PBX4: variants seen among roughly 807,000 people sequenced by gnomAD.
PBX4 encodes PBX homeobox 4, also known as pre-B-cell leukemia transcription factor 4.
PBX4 carries 26 observed loss-of-function variants against 35.1 expected under a neutral mutation model. The ratio of observed to expected loss-of-function variants is 0.74; its 90% CI spans 0.54 to 1.03. The LOEUF is 1.03. PBX4 is among the 50% of genes least tolerant of loss of function. PBX4 has a pLI of 0.00. For synonymous variants in PBX4, 199 were observed against 204.2 expected (o/e 0.97, Z 0.22); for missense variants, 448 against 504.3 (o/e 0.89, Z 1.07).
chr19:19,591,882 G>A (rs2061530573), intron 2 of PBX4, among the ~76,000 whole-genome samples: 2 of 152,172 alleles, frequency 1.3e-5, no homozygotes, highest in East Asian at 1.9e-4. Flanking sequence ...TTTTTTAGAG[G>A]CAGAGTCTCA....
chr19:19,572,854 C>CAAAA lies in PBX4; in HGVS notation c.194-2025_194-2022dup, dbSNP rs36044843. On this transcript the variant is annotated intron_variant, in intron 2 of 7. Coordinates refer to ENST00000251203, the MANE Select transcript of PBX4 (RefSeq NM_025245.3). ...GGGTGACAAGGGCGAGACTCCGTCT[C>CAAAA]AAAAAAAAAAAAAAAAAAAAAGAGA... is the stretch of plus-strand genomic sequence containing the variant. Among the ~76,000 whole-genome samples the CAAAA allele has an allele frequency of 1.7e-4, 12 of 70,028 alleles. 1 individual carries two copies. Among genetic ancestry groups the CAAAA allele is most frequent in the Non-Finnish European group, 2.8e-4 (10 of 35,162 alleles). The allele number at this position is 70,028 out of a possible 152,430, so 45.9% of individuals were successfully genotyped here.
chr19:19,591,884 A>G (rs529804600), intron 2 of PBX4, among the ~76,000 whole-genome samples: 128 of 152,310 alleles, frequency 8.4e-4, no homozygotes, highest in African/African-American at 2.9e-3. Flanking sequence ...TTTTAGAGGC[A>G]GAGTCTCACT....
At chr19:19,597,091 G>A (rs1395747844) in intron 2 of PBX4, among the ~76,000 whole-genome samples, 2 of 152,024 alleles carry the variant, frequency 1.3e-5, no homozygotes, top group East Asian at 3.9e-4. Context: ...GCAGGCGCCT[G>A]TAATCCCGGC....
intron 1 of PBX4, among the ~76,000 whole-genome samples, chr19:19,616,582 G>T (rs1555741974): frequency 6.6e-6 from 1 of 152,048 alleles, no homozygotes; most frequent in Non-Finnish European, 1.5e-5. Context: ...CTCCCAAAGT[G>T]CAGGGATTAC....
chr19:19,610,338 G>A (rs375773025), intron 1 of PBX4, among the ~76,000 whole-genome samples: 3 of 152,192 alleles, frequency 2.0e-5, no homozygotes, highest in African/African-American at 4.8e-5. Flanking sequence ...GTTTGAACCC[G>A]GGAGGTGGAG....
At chr19:19,578,697 G>A (rs774014582) in intron 2 of PBX4, among the ~76,000 whole-genome samples, 1 of 152,164 alleles carries the variant, frequency 6.6e-6, no homozygotes, top group Non-Finnish European at 1.5e-5. Context: ...AAATAAAATC[G>A]GGATTATGTT....
intron 1 of PBX4, among the ~76,000 whole-genome samples, chr19:19,601,517 G>A (rs949732059): frequency 2.0e-5 from 3 of 152,082 alleles, no homozygotes; most frequent in African/African-American, 7.2e-5. Flanking sequence ...CCCTAAATAT[G>A]GTACTTTACA....
At chr19:19,586,454 C>T (rs1431305512) in intron 2 of PBX4, among the ~76,000 whole-genome samples, 1 of 151,998 alleles carries the variant, frequency 6.6e-6, no homozygotes. Flanking sequence ...GCTGCTAATG[C>T]TGAGTAAAAA....
intron 2 of PBX4, among the ~76,000 whole-genome samples, chr19:19,595,476 C>T (rs983826515): frequency 2.0e-5 from 3 of 152,078 alleles, no homozygotes; most frequent in East Asian, 1.9e-4. Context: ...ACCAGTTCAC[C>T]GCTAACAAGA....
rs200941595 is a variant in PBX4 at position 19,589,216 on chromosome 19, C to CAGG, written c.193+10073_193+10075dup. 8.9e-3 allele frequency among the ~76,000 whole-genome samples: 1,350 copies of CAGG among 152,188 alleles called. 23 individuals are homozygous for CAGG. Among genetic ancestry groups the CAGG allele is most frequent in the African/African-American group, 0.031 (1,295 of 41,510 alleles). ...GGTCGAGGCCGGCGGATCACGAGGTCAGGAGATCGAGACCATCCTGGCTAA... is the reference window on the plus strand; with the variant it reads ...GGTCGAGGCCGGCGGATCACGAGGTCAGGAGGAGATCGAGACCATCCTGGCTAA... On this transcript the variant is annotated intron_variant, in intron 2 of 7. Transcript: ENST00000251203.
In PBX4 at chr19:19,568,237, C is replaced by A. The variant is rs544432520; in HGVS notation, c.768+1212G>T. ...CAGGGAGCTCACACTCCATCTGTAT[C>A]CCTCAGGGAGCTCACACTCCATCTG... On this transcript the variant is annotated intron_variant, in intron 5 of 7. Transcript: ENST00000251203. Among the ~76,000 whole-genome samples the A allele has an allele frequency of 3.4e-5, 5 of 147,872 alleles. No individual in the cohort carries two copies. The South Asian group carries it at 1.1e-3, about 32-fold the overall frequency.
rs768618411 is a variant in PBX4, at chr19:19,564,915, T to C, written c.925+18A>G. 5.6e-6 allele frequency: 9 copies of C among 1,614,198 alleles called. No homozygotes were observed. The highest frequency in any genetic ancestry group is 7.6e-6 in the Non-Finnish European group (9 of 1,180,020). On this transcript the variant is annotated intron_variant, in intron 6 of 7. Coordinates refer to ENST00000251203, the MANE Select transcript of PBX4 (RefSeq NM_025245.3). ...CCACATGGGTACAGATGACTGTCCC[T>C]GGGCCAGCCTCACTCACCGGAGCTA...
chr19:19,585,228 G>A (rs1951340023), intron 2 of PBX4, among the ~76,000 whole-genome samples: 1 of 152,010 alleles, frequency 6.6e-6, no homozygotes, highest in Admixed American at 6.6e-5. Flanking sequence ...GGGGGGCTGA[G>A]GCAGGAGAAT....
At chr19:19,578,015 T>TA (rs34023797) in intron 2 of PBX4, among the ~76,000 whole-genome samples, 6,765 of 73,350 alleles carry the variant, frequency 0.092, 363 homozygotes, top group East Asian at 0.24. Flanking sequence ...CCATCTCTAC[T>TA]AAAAAAAAAA....
Position 19,561,953 on chromosome 19 carries a change from G to A in PBX4, c.*72C>T. ...GGTTTTCTGAGGTCGTCGGCGGCAC[G>A]TTCAGTAACAAAGCAACGGCTGGCG... On this transcript the variant is annotated 3_prime_UTR_variant, in exon 8 of 8. Coordinates refer to ENST00000251203, the MANE Select transcript of PBX4 (RefSeq NM_025245.3). The A allele has an allele frequency of 1.5e-5, 20 of 1,368,512 alleles. No individual in the cohort carries two copies. The South Asian group carries it at 1.6e-4, about 11-fold the overall frequency. 84.8% of individuals were successfully genotyped at this position (1,368,512 alleles called of 1,614,324 possible).
At chr19:19,582,546 C>G (rs944461124) in intron 2 of PBX4, among the ~76,000 whole-genome samples, 1 of 152,114 alleles carries the variant, frequency 6.6e-6, no homozygotes, top group African/African-American at 2.4e-5. Context: ...CAATCCAACC[C>G]CCTTTGGGCC....
rs2061694551 is a variant in PBX4, at chr19:19,617,508, T to C, written c.119+1003A>G. Among the ~76,000 whole-genome samples the C allele has an allele frequency of 1.3e-5, 2 of 152,076 alleles. 1 individual carries two copies. Among genetic ancestry groups the C allele is most frequent in the South Asian group, 4.1e-4 (2 of 4,838 alleles). ...TACATTGTCCAGGTTGGTCTCGAAC[T>C]CCTGAGCTCAAGCAATCCTCCTGCC... On this transcript the variant is annotated intron_variant, in intron 1 of 7. Transcript: ENST00000251203.
chr19:19,562,067 A>C lies in PBX4; in HGVS notation c.1083T>G (p.Pro361=). ...AGTTGATGCTGCCAGGGTCTCCAGC[A>C]GGTGAGGCAGTTGCAGGTTGGGGGG... ...GATPQPATAS[P]AGDPGSINSS... is the part of the protein sequence containing the mutation. The change falls in exon 8 of 8, where the codon CCT becomes CCG. Residue 361 remains proline (P), a synonymous_variant. Transcript: ENST00000251203. The surrounding 1 kb of genome is among the most constrained non-coding windows in gnomAD (Gnocchi z 4.8). The C allele has an allele frequency of 6.2e-7, 1 of 1,613,284 alleles. No homozygotes were observed. The highest frequency in any genetic ancestry group is 8.5e-7 in the Non-Finnish European group (1 of 1,179,706).
chr19:19,571,146 TG>T (rs1314716091), intron 2 of PBX4, among the ~76,000 whole-genome samples: 5 of 152,172 alleles, frequency 3.3e-5, no homozygotes, highest in South Asian at 2.1e-4. Context: ...CGCCTGTTGC[TG>T]GGGTCACCTG....
Sources: gnomAD v4.1 joint callset for allele counts (sites outside exome capture counted in the v4.1 genomes callset) on GRCh38, gnomAD v4.1.1 for gene constraint, Gnocchi (gnomAD v3.1) non-coding constraint, MANE v1.5 for transcripts, NCBI Gene and HGNC (gene_info 2026-07-23, HGNC 2026-07-21) for gene names.